The following RCAN1 variants were observed in gnomAD, a reference collection of about 807,000 sequenced individuals.
RCAN1 encodes regulator of calcineurin 1.
Under a neutral mutation model 22.9 loss-of-function variants are expected in RCAN1, and 11 were observed. That is an observed-to-expected ratio of 0.48 (90% CI 0.30 to 0.79). The LOEUF (loss-of-function observed/expected upper bound fraction) is 0.79. Among genes scored for constraint, RCAN1 ranks in the 30% least tolerant of loss-of-function variants. The pLI, the probability that RCAN1 is intolerant of heterozygous loss-of-function variation, is 0.06. For missense variants in RCAN1, 291 were observed against 337.8 expected (o/e 0.86, Z 1.09); for synonymous variants, 136 against 142.3 (o/e 0.96, Z 0.32).
At chr21:34,544,079 C>T (rs575140544) in intron 1 of RCAN1, among the ~76,000 whole-genome samples, 1 of 152,370 alleles carries the variant, frequency 6.6e-6, no homozygotes, top group South Asian at 2.1e-4. Flanking sequence ...CAGACTGTGG[C>T]TGCCACAGCA....
intron 1 of RCAN1, among the ~76,000 whole-genome samples, chr21:34,610,565 C>T (rs1988658956): frequency 6.6e-6 from 1 of 152,180 alleles, no homozygotes; most frequent in African/African-American, 2.4e-5. Context: ...TTTCAGTGAT[C>T]TTTTTAAGAT....
At chr21:34,599,153 A>G (rs79427868) in intron 1 of RCAN1, among the ~76,000 whole-genome samples, 1 of 152,192 alleles carries the variant, frequency 6.6e-6, no homozygotes, top group Non-Finnish European at 1.5e-5. Flanking sequence ...CTAGCAATGT[A>G]TCTTACAAAT....
At chr21:34,526,633 A>T in intron 1 of RCAN1, 1 of 1,602,592 alleles carries the variant, frequency 6.2e-7, no homozygotes, top group Non-Finnish European at 8.5e-7. Flanking sequence ...TTGAAAACTA[A>T]AGAAAATCAC....
In RCAN1 at chr21:34,549,165, G is replaced by T. The variant is rs191862395; in HGVS notation, c.253-25455C>A. On this transcript the variant is annotated intron_variant, in intron 1 of 3. Transcript: ENST00000313806. Reference sequence around the variant, plus strand: ...CGTGTCTCTGGCCAGGGACTAAGGCGCCATGAGCATGTGTGCTTTGTTTGG... The same window carrying T: ...CGTGTCTCTGGCCAGGGACTAAGGCTCCATGAGCATGTGTGCTTTGTTTGG... 2.1e-3 allele frequency among the ~76,000 whole-genome samples: 317 copies of T among 152,202 alleles called. 2 individuals carry two copies. The highest frequency in any genetic ancestry group is 7.4e-3 in the African/African-American group (308 of 41,506).
intron 1 of RCAN1, among the ~76,000 whole-genome samples, chr21:34,594,873 C>T (rs879632405): frequency 8.5e-5 from 13 of 152,112 alleles, no homozygotes; most frequent in Non-Finnish European, 1.6e-4. Flanking sequence ...GGGTGGCAAA[C>T]GAAATGGGGG....
At chr21:34,588,638 T>C (rs1307347226) in intron 1 of RCAN1, among the ~76,000 whole-genome samples, 1 of 152,114 alleles carries the variant, frequency 6.6e-6, no homozygotes, top group East Asian at 1.9e-4. Flanking sequence ...CCTCAAAAAA[T>C]TGAAAATAGA....
At chr21:34,519,474 G>A (rs920135260) in intron 3 of RCAN1, among the ~76,000 whole-genome samples, 1 of 139,234 alleles carries the variant, frequency 7.2e-6, no homozygotes, top group African/African-American at 2.7e-5. Flanking sequence ...TCTCGGCTCA[G>A]TGCAACCTCC....
chr21:34,520,439 C>T (rs531752281), intron 3 of RCAN1, among the ~76,000 whole-genome samples: 4 of 152,298 alleles, frequency 2.6e-5, no homozygotes, highest in South Asian at 2.1e-4. Flanking sequence ...TTGACCTTCA[C>T]GCCACAATTA....
chr21:34,551,237 C>T (rs911891024), intron 1 of RCAN1, among the ~76,000 whole-genome samples: 4 of 152,324 alleles, frequency 2.6e-5, no homozygotes, highest in African/African-American at 9.6e-5. Context: ...CCTGAACACT[C>T]TTCCTTTTTG....
intron 1 of RCAN1, among the ~76,000 whole-genome samples, chr21:34,607,466 T>C (rs1378188823): frequency 6.6e-6 from 1 of 152,080 alleles, no homozygotes; most frequent in African/African-American, 2.4e-5. Context: ...CTCAGCTTAC[T>C]GCAACCTCTG....
intron 1 of RCAN1, among the ~76,000 whole-genome samples, chr21:34,555,741 C>T (rs559830498): frequency 2.0e-5 from 3 of 151,702 alleles, no homozygotes; most frequent in Admixed American, 6.6e-5. Flanking sequence ...CACTTGACAA[C>T]CTCCATAATA....
chr21:34,560,364 A>G (rs763237971), intron 1 of RCAN1, among the ~76,000 whole-genome samples: 1 of 152,168 alleles, frequency 6.6e-6, no homozygotes, highest in Non-Finnish European at 1.5e-5. Flanking sequence ...AGCAACCTAG[A>G]CTTCCCTAAG....
At chr21:34,533,962 C>A (rs1985550819) in intron 1 of RCAN1, among the ~76,000 whole-genome samples, 1 of 152,052 alleles carries the variant, frequency 6.6e-6, no homozygotes, top group Non-Finnish European at 1.5e-5. Context: ...GGAGGAGGGT[C>A]ATGGAGAAAG....
At chr21:34,541,951 T>TA (rs760925811) in intron 1 of RCAN1, among the ~76,000 whole-genome samples, 79 of 152,008 alleles carry the variant, frequency 5.2e-4, no homozygotes, top group Non-Finnish European at 1.0e-3. Context: ...ATAAAATAAA[T>TA]AAAAAAAATT....
At position 34,518,110 on chromosome 21, in the gene RCAN1, C is replaced by G. The variant is rs762463950; in HGVS notation, c.733G>C (p.Glu245Gln). ...CAGCTGAGGTGGATCGGCGTGTACT[C>G]CGGCCTCCTGGTCTGGATAATTTTT... is the stretch of plus-strand genomic sequence containing the variant. ...KPKIIQTRRP[E>Q]YTPIHLS The change falls in exon 4 of 4, where the codon GAG (glutamate) becomes CAG (glutamine). Residue 245 changes from glutamate to glutamine, a missense_variant. Coordinates refer to ENST00000313806, the MANE Select transcript of RCAN1 (RefSeq NM_004414.7). This position sits in a 1 kb window ranked among gnomAD's most constrained non-coding sequence, Gnocchi z 4.2. 6.2e-7 allele frequency: 1 copy of G among 1,614,208 alleles called. No individual in the cohort carries two copies. The highest frequency in any genetic ancestry group is 1.1e-5 in the South Asian group (1 of 91,084).
intron 1 of RCAN1, among the ~76,000 whole-genome samples, chr21:34,583,145 C>G (rs908363131): frequency 6.6e-6 from 1 of 151,144 alleles, no homozygotes; most frequent in South Asian, 2.1e-4. Flanking sequence ...CCATCAGTAC[C>G]GTAGAACTGG....
At chr21:34,566,961 C>T (rs1237292294) in intron 1 of RCAN1, among the ~76,000 whole-genome samples, 2 of 152,110 alleles carry the variant, frequency 1.3e-5, no homozygotes, top group Non-Finnish European at 2.9e-5. Context: ...CCCCTTGACC[C>T]AAACATCTCC....
intron 1 of RCAN1, among the ~76,000 whole-genome samples, chr21:34,588,208 GA>G (rs998787713): frequency 6.6e-6 from 1 of 152,156 alleles, no homozygotes; most frequent in African/African-American, 2.4e-5. Context: ...CACAAATGAT[GA>G]AAAACATGCT....
At chr21:34,592,700 G>C (rs1988014125) in intron 1 of RCAN1, among the ~76,000 whole-genome samples, 1 of 151,750 alleles carries the variant, frequency 6.6e-6, no homozygotes, top group Non-Finnish European at 1.5e-5. Flanking sequence ...AACGTGAACA[G>C]AACCCAATCA....
Sources: allele counts gnomAD v4.1 joint callset (sites outside exome capture counted in the v4.1 genomes callset), GRCh38; gene constraint gnomAD v4.1.1; non-coding constraint Gnocchi (gnomAD v3.1); transcripts MANE v1.5; gene names NCBI Gene and HGNC (gene_info 2026-07-23, HGNC 2026-07-21).